The following EXOC4 variants were observed in gnomAD, a reference collection of about 807,000 sequenced individuals.
EXOC4 encodes the protein SEC8-like 1.
In EXOC4, 71 loss-of-function variants were observed where a neutral mutation model predicts 107.2. The ratio of observed to expected loss-of-function variants is 0.66; its 90% CI spans 0.55 to 0.81. EXOC4 has a LOEUF of 0.81. Among genes scored for constraint, EXOC4 ranks in the 30% least tolerant of loss-of-function variants. EXOC4 has a pLI of 0.00. For synonymous variants in EXOC4, 456 were observed against 441.2 expected (o/e 1.03, Z -0.42); for missense variants, 1,108 against 1,189.6 (o/e 0.93, Z 1.01).
intron 14 of EXOC4, among the ~76,000 whole-genome samples, chr7:133,973,965 C>T (rs1447389622): frequency 6.6e-6 from 1 of 152,152 alleles, no homozygotes; most frequent in Non-Finnish European, 1.5e-5. Flanking sequence ...GAAAAAGGGA[C>T]GGGGCCGCAA....
chr7:133,519,895 A>G (rs942306375), intron 9 of EXOC4, among the ~76,000 whole-genome samples: 1 of 152,220 alleles, frequency 6.6e-6, no homozygotes, highest in African/African-American at 2.4e-5. Flanking sequence ...ATGGTACTAC[A>G]GAAATTTGGA....
At chr7:133,608,306 T>A (rs1417321058) in intron 9 of EXOC4, among the ~76,000 whole-genome samples, 1 of 152,158 alleles carries the variant, frequency 6.6e-6, no homozygotes, top group Non-Finnish European at 1.5e-5. Context: ...TTTGTTTGAT[T>A]ACCCCATTTG....
At chr7:133,851,697 G>A (rs953280961) in intron 11 of EXOC4, among the ~76,000 whole-genome samples, 3 of 152,162 alleles carry the variant, frequency 2.0e-5, no homozygotes, top group Admixed American at 2.0e-4. Context: ...GAAGAGGAGA[G>A]TCACTTCAGC....
At chr7:133,723,765 A>G (rs1795157286) in intron 10 of EXOC4, among the ~76,000 whole-genome samples, 1 of 152,138 alleles carries the variant, frequency 6.6e-6, no homozygotes, top group African/African-American at 2.4e-5. Flanking sequence ...TGCTGGGACT[A>G]CAGGCGTGAG....
chr7:133,948,633 A>C (rs1285488259), intron 14 of EXOC4, among the ~76,000 whole-genome samples: 1 of 152,196 alleles, frequency 6.6e-6, no homozygotes, highest in Non-Finnish European at 1.5e-5. Flanking sequence ...CGGTAATGAT[A>C]ATAGACTCAA....
intron 7 of EXOC4, among the ~76,000 whole-genome samples, chr7:133,456,427 A>G (rs555161686): frequency 5.8e-4 from 89 of 152,302 alleles, no homozygotes; most frequent in Middle Eastern, 3.4e-3. Context: ...GGAGCACACT[A>G]CCATAATTCA....
At chr7:133,741,471 C>T (rs916452474) in intron 10 of EXOC4, among the ~76,000 whole-genome samples, 2 of 152,120 alleles carry the variant, frequency 1.3e-5, no homozygotes, top group Non-Finnish European at 2.9e-5. Context: ...ATTATTGTTC[C>T]TATCACATGG....
chr7:134,060,214 C>A (rs1796024579), intron 17 of EXOC4, among the ~76,000 whole-genome samples: 1 of 152,168 alleles, frequency 6.6e-6, no homozygotes, highest in Non-Finnish European at 1.5e-5. Flanking sequence ...GCTTATAATA[C>A]TTTGGGAACT....
intron 10 of EXOC4, among the ~76,000 whole-genome samples, chr7:133,707,576 G>T (rs1038361701): frequency 6.6e-6 from 1 of 151,626 alleles, no homozygotes; most frequent in African/African-American, 2.4e-5. Flanking sequence ...CACCTCCCAG[G>T]TGCTTATTTC....
intron 10 of EXOC4, among the ~76,000 whole-genome samples, chr7:133,756,123 T>C (rs139114441): frequency 3.9e-5 from 6 of 152,360 alleles, no homozygotes; most frequent in African/African-American, 1.4e-4. Context: ...GCTTTTCTCT[T>C]ACACAGCATA....
chr7:133,464,767 A>T (rs1798676438), intron 7 of EXOC4, among the ~76,000 whole-genome samples: 1 of 150,442 alleles, frequency 6.6e-6, no homozygotes, highest in African/African-American at 2.4e-5. Flanking sequence ...GAATTAATTA[A>T]CACAACCAGT....
chr7:133,530,908 C>T (rs1800170307), intron 9 of EXOC4, among the ~76,000 whole-genome samples: 1 of 152,112 alleles, frequency 6.6e-6, no homozygotes, highest in Non-Finnish European at 1.5e-5. Context: ...TATGGTTTGG[C>T]AAATTAACTG....
At chr7:133,790,740 C>T (rs1390379010) in intron 10 of EXOC4, among the ~76,000 whole-genome samples, 5 of 152,260 alleles carry the variant, frequency 3.3e-5, no homozygotes, top group African/African-American at 7.2e-5. Context: ...ACAAACCTTT[C>T]CAGATTGAGA....
chr7:134,100,805 G>A, the EXOC4 span, among the ~76,000 whole-genome samples: 16 of 129,796 alleles, frequency 1.2e-4, 4 homozygotes, highest in Admixed American at 1.3e-3. Context: ...CTAGCTGGGC[G>A]TGGTGGCATG....
At chr7:133,932,134 G>A (rs1800191579) in intron 13 of EXOC4, among the ~76,000 whole-genome samples, 1 of 152,204 alleles carries the variant, frequency 6.6e-6, no homozygotes, top group Admixed American at 6.5e-5. Context: ...AAATTAAAAT[G>A]GCAGAGACAG....
intron 13 of EXOC4, among the ~76,000 whole-genome samples, chr7:133,929,169 G>T (rs935086335): frequency 1.3e-5 from 2 of 151,918 alleles, no homozygotes; most frequent in African/African-American, 2.4e-5. Flanking sequence ...CTGACTTCGT[G>T]ATCTATTCGC....
At chr7:133,805,922 A>G (rs1797065142) in intron 10 of EXOC4, among the ~76,000 whole-genome samples, 1 of 152,232 alleles carries the variant, frequency 6.6e-6, no homozygotes, top group South Asian at 2.1e-4. Flanking sequence ...CTGTCTATTC[A>G]CCTGCGTCAT....
At chr7:133,375,445 C>T (rs1796468127) in intron 7 of EXOC4, among the ~76,000 whole-genome samples, 1 of 151,972 alleles carries the variant, frequency 6.6e-6, no homozygotes, top group African/African-American at 2.4e-5. Context: ...TGCACTCCAG[C>T]CTGGGTAACA....
chr7:133,834,779 C>T (rs575660450), intron 11 of EXOC4, among the ~76,000 whole-genome samples: 2 of 152,272 alleles, frequency 1.3e-5, no homozygotes, highest in Admixed American at 6.5e-5. Context: ...TAAGATTTCT[C>T]TTTAAGTGAA....
Sources: allele counts gnomAD v4.1 joint callset (sites outside exome capture counted in the v4.1 genomes callset), GRCh38; gene constraint gnomAD v4.1.1; transcripts MANE v1.5; gene names NCBI Gene and HGNC (gene_info 2026-07-23, HGNC 2026-07-21).